The following MARCHF1 variants were observed in gnomAD, a reference collection of about 807,000 sequenced individuals.
MARCHF1 encodes the protein membrane associated ring-CH-type finger 1.
In MARCHF1, 40 loss-of-function variants were observed where a neutral mutation model predicts 54.2. The observed-to-expected ratio is 0.74, with a 90% CI of 0.57 to 0.96. The LOEUF is 0.96. Ranked by LOEUF, MARCHF1 falls within the 40% of genes least tolerant of loss-of-function variation. MARCHF1 has a pLI of 0.00. For synonymous variants in MARCHF1, 236 were observed against 236.3 expected (o/e 1.00, Z 0.01); for missense variants, 586 against 656.5 (o/e 0.89, Z 1.17).
chr4:163,719,863 C>T (rs921683016), intron 4 of MARCHF1, among the ~76,000 whole-genome samples: 1 of 151,968 alleles, frequency 6.6e-6, no homozygotes, highest in African/African-American at 2.4e-5. Flanking sequence ...TCTTCGCCCG[C>T]TTGTTGATGG....
chr4:163,797,796 T>C (rs1486084959), intron 4 of MARCHF1, among the ~76,000 whole-genome samples: 1 of 152,158 alleles, frequency 6.6e-6, no homozygotes. Context: ...TATAATATAT[T>C]ATTGTTATTC....
intron 1 of MARCHF1, among the ~76,000 whole-genome samples, chr4:164,131,534 A>G (rs1026327904): frequency 6.6e-6 from 1 of 152,162 alleles, no homozygotes; most frequent in African/African-American, 2.4e-5. Context: ...AGCTATTGAG[A>G]AAAACAAATT....
intron 2 of MARCHF1, among the ~76,000 whole-genome samples, chr4:164,050,277 A>G (rs900858450): frequency 1.7e-4 from 7 of 41,754 alleles, no homozygotes; most frequent in Non-Finnish European, 3.2e-4. Context: ...ACTGTCTCCA[A>G]AAAAAAAAAA....
chr4:163,532,402 AACAG>A (rs1368312583), intron 9 of MARCHF1, among the ~76,000 whole-genome samples: 2 of 152,038 alleles, frequency 1.3e-5, no homozygotes, highest in South Asian at 2.1e-4. Context: ...TGAGTCTGTA[AACAG>A]ACCTTAAATT....
chr4:163,965,748 T>A (rs1278392699), intron 3 of MARCHF1, among the ~76,000 whole-genome samples: 2 of 152,100 alleles, frequency 1.3e-5, no homozygotes, highest in Non-Finnish European at 2.9e-5. Flanking sequence ...TATTCCCAAA[T>A]GAACAGATTC....
chr4:163,951,551 C>G lies in MARCHF1; in HGVS notation c.-39+36950G>C, dbSNP rs970133833. Among the ~76,000 whole-genome samples the G allele has an allele frequency of 1.1e-4, 17 of 152,144 alleles. 1 individual carries two copies. The highest frequency in any genetic ancestry group is 1.1e-3 in the Admixed American group (17 of 15,268). On this transcript the variant is annotated intron_variant, in intron 3 of 9. Transcript: ENST00000514618. Reference sequence around the variant, plus strand: ...TGATTGACTGAAGCTATCCCTAAAACGAAGCCTCCAAGGGAGCAAGGACTA... The same window carrying G: ...TGATTGACTGAAGCTATCCCTAAAAGGAAGCCTCCAAGGGAGCAAGGACTA...
At chr4:164,309,606 A>G (rs1046779052) in intron 1 of MARCHF1, among the ~76,000 whole-genome samples, 1 of 152,224 alleles carries the variant, frequency 6.6e-6, no homozygotes, top group Non-Finnish European at 1.5e-5. Flanking sequence ...CTTCAATTAT[A>G]AATGTCCTAA....
intron 7 of MARCHF1, among the ~76,000 whole-genome samples, chr4:163,599,297 T>TTATATATATATATATATATATGTATA (rs150458467): frequency 1.1e-4 from 16 of 146,702 alleles, no homozygotes; most frequent in African/African-American, 3.8e-4. Flanking sequence ...CTCAAAAAAA[T>TTATATATATATATATATATATGTATA]TATATATATA....
At chr4:164,138,220 G>GT (rs937879945) in intron 1 of MARCHF1, among the ~76,000 whole-genome samples, 93 of 144,684 alleles carry the variant, frequency 6.4e-4, no homozygotes, top group Middle Eastern at 3.5e-3. Flanking sequence ...CATTACCTAG[G>GT]TTTTTTTTTT....
At chr4:163,932,561 A>G (rs1442301169) in intron 3 of MARCHF1, 4 of 366,926 alleles carry the variant, frequency 1.1e-5, no homozygotes, top group South Asian at 8.9e-5. Context: ...AGGCTAAGCT[A>G]GCTGAGTGCT....
intron 4 of MARCHF1, among the ~76,000 whole-genome samples, chr4:163,704,704 T>C (rs920598310): frequency 6.6e-6 from 1 of 151,726 alleles, no homozygotes; most frequent in Admixed American, 6.6e-5. Context: ...ATATATAATA[T>C]TAAAACCTAT....
chr4:164,036,968 G>A (rs1171766377), intron 2 of MARCHF1, among the ~76,000 whole-genome samples: 1 of 152,020 alleles, frequency 6.6e-6, no homozygotes, highest in Non-Finnish European at 1.5e-5. Context: ...GATTGTAAGT[G>A]ATTATATTTT....
intron 3 of MARCHF1, among the ~76,000 whole-genome samples, chr4:163,877,359 T>C (rs1370864860): frequency 2.6e-5 from 4 of 152,164 alleles, no homozygotes; most frequent in Admixed American, 6.6e-5. Flanking sequence ...TCAACCCTCA[T>C]TGCACATCAG....
In MARCHF1 at chr4:163,937,240, G is replaced by C. The variant is rs1751815479; in HGVS notation, c.-39+51261C>G. Among the ~76,000 whole-genome samples the C allele has an allele frequency of 2.6e-5, 4 of 151,982 alleles. No homozygotes were observed. The South Asian group carries it at 8.3e-4, about 32-fold the overall frequency. On this transcript the variant is annotated intron_variant, in intron 3 of 9. Coordinates refer to ENST00000514618, the MANE Select transcript of MARCHF1 (RefSeq NM_001394959.1). ...AATGAGGGAAGAGAAAAAGAAATTA[G>C]TCAATACATACATATACATACAAAC... is the stretch of plus-strand genomic sequence containing the variant.
chr4:163,540,765 GA>G lies in MARCHF1; in HGVS notation c.1339+4830del, dbSNP rs375969147. Among the ~76,000 whole-genome samples, 185 of 152,286 alleles carry G rather than the reference GA, an allele frequency of 1.2e-3. 2 individuals carry two copies. Among genetic ancestry groups the G allele is most frequent in the African/African-American group, 4.1e-3 (170 of 41,564 alleles). On this transcript the variant is annotated intron_variant, in intron 9 of 9. Transcript: ENST00000514618. ...GGCTGGGTGCGGTGGCTCACGCCTG[GA>G]ATCCCAGCGCTTTGGGAGGCTGAGG...
chr4:164,097,271 C>T (rs1282780051), intron 2 of MARCHF1, among the ~76,000 whole-genome samples: 3 of 152,130 alleles, frequency 2.0e-5, no homozygotes, highest in Non-Finnish European at 4.4e-5. Flanking sequence ...CTAGGATTTA[C>T]AGATCCTATC....
intron 1 of MARCHF1, among the ~76,000 whole-genome samples, chr4:164,312,127 G>A (rs1178036773): frequency 1.3e-5 from 2 of 151,922 alleles, no homozygotes; most frequent in African/African-American, 2.4e-5. Flanking sequence ...ATCAGCTCTC[G>A]TATCTTCCAA....
At chr4:164,257,657 A>C (rs1044392564) in intron 1 of MARCHF1, among the ~76,000 whole-genome samples, 3 of 151,986 alleles carry the variant, frequency 2.0e-5, no homozygotes, top group Non-Finnish European at 1.5e-5. Context: ...AAAACATAGA[A>C]ATAAAAAACA....
chr4:163,613,072 G>T (rs983368079), intron 6 of MARCHF1, 34 bp from the exon 7 acceptor site: 1 of 1,441,978 alleles, frequency 6.9e-7, no homozygotes, highest in South Asian at 1.5e-5. Context: ...ATGGGAAATG[G>T]GAATGGAGAG....
Sources: gnomAD v4.1 joint callset for allele counts (sites outside exome capture counted in the v4.1 genomes callset) on GRCh38, gnomAD v4.1.1 for gene constraint, MANE v1.5 for transcripts, NCBI Gene and HGNC (gene_info 2026-07-23, HGNC 2026-07-21) for gene names.